ZNF605: variants seen among roughly 807,000 people sequenced by gnomAD.
The protein encoded by ZNF605 is zinc finger protein 605.
ZNF605 carries 9 observed loss-of-function variants against 7.9 expected under a neutral mutation model. That is an observed-to-expected ratio of 1.14 (90% CI 0.68 to 1.98). The LOEUF is 1.98. Among genes scored for constraint, ZNF605 ranks in the 30% most tolerant of loss-of-function variants. The probability of loss-of-function intolerance (pLI) is 0.00; values close to 1 mark genes in which losing one functional copy is unlikely to be tolerated. For synonymous variants in ZNF605, 255 were observed against 260.1 expected (o/e 0.98, Z 0.19); for missense variants, 673 against 762.4 (o/e 0.88, Z 1.38).
rs1593598550 is a variant in ZNF605 at position 132,945,068 on chromosome 12, A to G, written c.15+553T>C. ...ACTGATGCGATCTCAGCTCACTGCA[A>G]CCTCCATCTCCTGGGTTCAAGTGAT... On this transcript the variant is annotated intron_variant, in intron 3 of 4. Coordinates refer to ENST00000360187, the MANE Select transcript of ZNF605 (RefSeq NM_183238.4). 3 of 303,280 alleles carry G rather than the reference A, an allele frequency of 9.9e-6. No homozygotes were observed. In the East Asian group the frequency reaches 2.5e-4, roughly 25 times the overall value. The allele number at this position is 303,280 out of a possible 1,614,324, so 18.8% of individuals were successfully genotyped here.
rs1952239038 is a variant in ZNF605, at chr12:132,925,563, T to C, written c.1736A>G (p.His579Arg). ...AFFEKAQLII[H>R]QRIHTGERPY... is the part of the protein sequence containing the mutation. ...TCTCTCTCCTGTATGAATTCTCTGA[T>C]GTATAATCAGCTGTGCCTTCTCAAA... Residue 579 changes from histidine (H) to arginine (R), a missense_variant, in exon 5 of 5, where the codon CAT (histidine) becomes CGT (arginine). Transcript: ENST00000360187. 5 of 1,614,212 alleles carry C rather than the reference T, an allele frequency of 3.1e-6. No individual in the cohort carries two copies. The highest frequency in any genetic ancestry group is 1.3e-5 in the African/African-American group (1 of 75,078).
At position 132,925,407 on chromosome 12, in the gene ZNF605, T is replaced by G. The variant is rs747814036; in HGVS notation, c.1892A>C (p.Gln631Pro). 1 of 1,605,412 alleles carries G rather than the reference T, an allele frequency of 6.2e-7. No individual in the cohort carries two copies. Among genetic ancestry groups the G allele is most frequent in the Non-Finnish European group, 8.5e-7 (1 of 1,175,264 alleles). The change falls in exon 5 of 5, where the codon CAG (glutamine) becomes CCG (proline). Residue 631 changes from glutamine to proline, a missense_variant. Transcript: ENST00000360187. ...ECGTTFNRKS[Q>P]LMIHQRNHII ...ATGATTTCTCTGATGTATCATAAGCTGCGACTTCCTGTTGAAGGTGGTCCC... is the reference window on the plus strand; with the variant it reads ...ATGATTTCTCTGATGTATCATAAGCGGCGACTTCCTGTTGAAGGTGGTCCC...
intron 2 of ZNF605, 116 bp downstream of exon 2, chr12:132,948,032 C>G (rs1011507809): frequency 3.3e-5 from 5 of 152,082 alleles, no homozygotes; most frequent in Admixed American, 2.6e-4. Context: ...TTTTCAAAGA[C>G]CACAAACTGC....
intron 1 of ZNF605, among the ~76,000 whole-genome samples, chr12:132,952,866 C>G (rs1952586865): frequency 6.6e-6 from 1 of 152,086 alleles, no homozygotes; most frequent in Admixed American, 6.6e-5. Context: ...TTGCCTGAGC[C>G]AACCCACGAC....
Position 132,919,584 on chromosome 12 carries a change from T to G in ZNF605, c.*5789A>C, listed in dbSNP as rs1017851345. On this transcript the variant is annotated 3_prime_UTR_variant, in exon 5 of 5. Coordinates refer to ENST00000360187, the MANE Select transcript of ZNF605 (RefSeq NM_183238.4). ...TTTTGTATTTTTAGTAGAGACGGGG[T>G]TTCACCTTGTTAGCCAGGATGGTCT... 14 of 151,420 alleles carry G rather than the reference T, an allele frequency of 9.2e-5. No homozygotes were observed. The highest frequency in any genetic ancestry group is 2.1e-4 in the Non-Finnish European group (14 of 67,994). The allele number at this position is 151,420 out of a possible 1,614,324, so 9.4% of individuals were successfully genotyped here.
At chr12:132,927,920 G>A (rs1952265146) in intron 4 of ZNF605, among the ~76,000 whole-genome samples, 1 of 152,182 alleles carries the variant, frequency 6.6e-6, no homozygotes, top group South Asian at 2.1e-4. Flanking sequence ...CTCCCAAAGT[G>A]CTGGGATTAC....
At chr12:132,939,143 A>G (rs1448388750) in intron 3 of ZNF605, among the ~76,000 whole-genome samples, 1 of 152,044 alleles carries the variant, frequency 6.6e-6, no homozygotes, top group Non-Finnish European at 1.5e-5. Context: ...ATGCGAGCGC[A>G]CAGCGCAGGA....
At chr12:132,952,782 G>C (rs1302121272) in intron 1 of ZNF605, among the ~76,000 whole-genome samples, 1 of 152,186 alleles carries the variant, frequency 6.6e-6, no homozygotes, top group African/African-American at 2.4e-5. Flanking sequence ...CGTAAAAAGA[G>C]TGATCACTGA....
At chr12:132,929,755 G>A (rs1952287212) in intron 4 of ZNF605, among the ~76,000 whole-genome samples, 1 of 152,096 alleles carries the variant, frequency 6.6e-6, no homozygotes, top group African/African-American at 2.4e-5. Flanking sequence ...GACCAGCCTG[G>A]CCAACATGGT....
intron 2 of ZNF605, among the ~76,000 whole-genome samples, chr12:132,947,736 CTAAG>C (rs1265868469): frequency 1.3e-5 from 2 of 151,724 alleles, no homozygotes; most frequent in Non-Finnish European, 2.9e-5. Context: ...AATCAGGTAA[CTAAG>C]TATAACCATC....
chr12:132,953,672 G>A (rs1336890951), intron 1 of ZNF605, among the ~76,000 whole-genome samples: 3 of 147,954 alleles, frequency 2.0e-5, no homozygotes, highest in Non-Finnish European at 4.5e-5. Context: ...TGATCTGCCT[G>A]CCTCAGCCTC....
At chr12:132,950,467 A>G (rs1358999437) in intron 1 of ZNF605, among the ~76,000 whole-genome samples, 2 of 151,220 alleles carry the variant, frequency 1.3e-5, no homozygotes, top group Admixed American at 6.6e-5. Flanking sequence ...ACATACAGAC[A>G]CACAGACATG....
chr12:132,926,379 T>C lies in ZNF605; in HGVS notation c.920A>G (p.Lys307Arg). 6.2e-7 allele frequency: 1 copy of C among 1,614,186 alleles called. No individual in the cohort carries two copies. The highest frequency in any genetic ancestry group is 2.2e-5 in the East Asian group (1 of 44,882). The change falls in exon 5 of 5, where the codon AAA becomes AGA. Residue 307 changes from lysine to arginine, a missense_variant. Physicochemically the swap from Lys to Arg is conservative, Grantham distance 26 (BLOSUM62 2). Transcript: ENST00000360187. ...TCCACAGTGACTACATGGATAGGGTTTCTCTCCTGTGTGCGCTCTCTGATG... is the reference window on the plus strand; with the variant it reads ...TCCACAGTGACTACATGGATAGGGTCTCTCTCCTGTGTGCGCTCTCTGATG... ...ITHQRAHTGE[K>R]PYPCSHCGKA...
In ZNF605 at chr12:132,932,737, C is replaced by A. The variant is rs1952320384; in HGVS notation, c.136+298G>T. The A allele has an allele frequency of 2.0e-6, 3 of 1,535,610 alleles. No homozygotes were observed. The African/African-American group carries it at 4.1e-5, about 21-fold the overall frequency. ...CCTGAAAAGTTCTGATTTAGGATTT[C>A]TTGACCTATTATCCATGGATCTTGT... is the stretch of plus-strand genomic sequence containing the variant. On this transcript the variant is annotated intron_variant, in intron 4 of 4. Coordinates refer to ENST00000360187, the MANE Select transcript of ZNF605 (RefSeq NM_183238.4).
chr12:132,954,892 A>G (rs958635779), intron 1 of ZNF605, among the ~76,000 whole-genome samples: 12 of 152,024 alleles, frequency 7.9e-5, no homozygotes, highest in African/African-American at 2.9e-4. Flanking sequence ...TGTCACAAAT[A>G]CACAGCGCCA....
intron 1 of ZNF605, among the ~76,000 whole-genome samples, chr12:132,954,473 G>A (rs962540239): frequency 6.3e-4 from 73 of 115,314 alleles, no homozygotes; most frequent in South Asian, 2.9e-3. Flanking sequence ...GAGGGGAGGA[G>A]AAGGGGCTTC....
At chr12:132,940,036 G>T (rs112677324) in intron 3 of ZNF605, among the ~76,000 whole-genome samples, 1 of 152,198 alleles carries the variant, frequency 6.6e-6, no homozygotes, top group East Asian at 1.9e-4. Flanking sequence ...GCCACCCGAA[G>T]AGCTGTAACA....
chr12:132,955,444 TGGA>T (rs1319029948), intron 1 of ZNF605, among the ~76,000 whole-genome samples: 34 of 152,054 alleles, frequency 2.2e-4, no homozygotes, highest in African/African-American at 8.0e-4. Context: ...GACCGCTCGG[TGGA>T]GTTCAGCCAG....
chr12:132,955,453 G>C (rs1260458807), intron 1 of ZNF605, among the ~76,000 whole-genome samples: 1 of 152,184 alleles, frequency 6.6e-6, no homozygotes, highest in Non-Finnish European at 1.5e-5. Context: ...GTGGAGTTCA[G>C]CCAGTCACCG....
Sources: gnomAD v4.1 joint callset for allele counts (sites outside exome capture counted in the v4.1 genomes callset) on GRCh38, gnomAD v4.1.1 for gene constraint, MANE v1.5 for transcripts, NCBI Gene and HGNC (gene_info 2026-07-23, HGNC 2026-07-21) for gene names.